Variants in ELAPOR2 observed in about 807,000 individuals in gnomAD.
ELAPOR2 encodes endosome/lysosome-associated apoptosis and autophagy regulator family member 2.
A neutral mutation model predicts 120.7 loss-of-function variants in ELAPOR2; 89 were observed. That is an observed-to-expected ratio of 0.74 (90% confidence interval 0.62 to 0.88). The LOEUF (loss-of-function observed/expected upper bound fraction) is 0.88. Ranked by LOEUF, ELAPOR2 falls within the 40% of genes least tolerant of loss-of-function variation. The probability of loss-of-function intolerance (pLI) is 0.00; values close to 1 mark genes in which losing one functional copy is unlikely to be tolerated. For synonymous variants in ELAPOR2, 444 were observed against 444.9 expected (o/e 1.00, Z 0.03); for missense variants, 1,134 against 1,251.6 (o/e 0.91, Z 1.42).
intron 1 of ELAPOR2, among the ~76,000 whole-genome samples, chr7:87,006,572 C>G (rs1562965263): frequency 6.6e-6 from 1 of 151,970 alleles, no homozygotes; most frequent in East Asian, 1.9e-4. Flanking sequence ...AGGATGTGGA[C>G]AAGGATGTGA....
rs556094365 is a variant in ELAPOR2, at chr7:86,892,159, G to A, written c.2865-270C>T. Among the ~76,000 whole-genome samples, 20 of 152,040 alleles carry A rather than the reference G, an allele frequency of 1.3e-4. No individual in the cohort carries two copies. The South Asian group carries it at 4.1e-3, about 32-fold the overall frequency. ...GAATTGTCCAATAATGAAAAAATTG[G>A]GGGGCAGGGACTTTTAGGCCTGAAT... On this transcript the variant is annotated intron_variant, in intron 20 of 21. Coordinates refer to ENST00000450689, the MANE Select transcript of ELAPOR2 (RefSeq NM_001142749.3).
intron 9 of ELAPOR2, 31 bp downstream of exon 9, chr7:86,926,704 AG>A (rs2116231752): frequency 6.4e-7 from 1 of 1,550,484 alleles, no homozygotes; most frequent in East Asian, 2.3e-5. Flanking sequence ...ATTTTGCTAA[AG>A]GCCCAGTTAT....
intron 2 of ELAPOR2, among the ~76,000 whole-genome samples, chr7:86,962,504 C>G (rs1037173973): frequency 2.0e-5 from 3 of 152,160 alleles, no homozygotes; most frequent in Admixed American, 2.0e-4. Flanking sequence ...TTATGTCCCC[C>G]TTATGGAGAC....
At chr7:86,890,083 T>C (rs1788072066) in intron 21 of ELAPOR2, among the ~76,000 whole-genome samples, 1 of 151,832 alleles carries the variant, frequency 6.6e-6, no homozygotes, top group South Asian at 2.1e-4. Flanking sequence ...TTAATCAGAA[T>C]GGTGCATGGA....
intron 19 of ELAPOR2, among the ~76,000 whole-genome samples, chr7:86,897,006 C>A (rs957635462): frequency 1.3e-5 from 2 of 151,736 alleles, no homozygotes; most frequent in Admixed American, 1.3e-4. Context: ...AAATATCTAT[C>A]AATAAATATG....
intron 1 of ELAPOR2, among the ~76,000 whole-genome samples, chr7:87,007,555 G>A (rs1293143455): frequency 6.6e-6 from 1 of 152,136 alleles, no homozygotes; most frequent in Non-Finnish European, 1.5e-5. Flanking sequence ...GGAAGATCTA[G>A]GGGAAAAAAG....
At chr7:87,021,033 G>A (rs922676684) in intron 1 of ELAPOR2, among the ~76,000 whole-genome samples, 1 of 152,018 alleles carries the variant, frequency 6.6e-6, no homozygotes, top group East Asian at 1.9e-4. Flanking sequence ...ACTCTATGGG[G>A]TAGGTATTAT....
chr7:87,003,061 C>G (rs188900714), intron 1 of ELAPOR2, among the ~76,000 whole-genome samples: 50 of 152,226 alleles, frequency 3.3e-4, no homozygotes, highest in Admixed American at 6.5e-4. Context: ...GATGGGTAGA[C>G]AGGTAGAGTC....
At chr7:86,883,661 T>C (rs1251257844) in intron 21 of ELAPOR2, among the ~76,000 whole-genome samples, 1 of 152,200 alleles carries the variant, frequency 6.6e-6, no homozygotes, top group African/African-American at 2.4e-5. Context: ...TACTGTGTGA[T>C]TACATTTATA....
intron 13 of ELAPOR2, among the ~76,000 whole-genome samples, chr7:86,913,937 A>G (rs753683356): frequency 7.9e-5 from 12 of 152,224 alleles, no homozygotes; most frequent in Non-Finnish European, 1.8e-4. Context: ...AGGCAAGGAA[A>G]GATTCCACAG....
chr7:86,895,959 T>C (rs1749157544), intron 19 of ELAPOR2, among the ~76,000 whole-genome samples: 1 of 152,110 alleles, frequency 6.6e-6, no homozygotes, highest in South Asian at 2.1e-4. Flanking sequence ...CAAGAAACTA[T>C]TTTTGTGAAT....
chr7:87,047,711 A>G (rs1184051440), intron 1 of ELAPOR2, among the ~76,000 whole-genome samples: 1 of 152,218 alleles, frequency 6.6e-6, no homozygotes, highest in Non-Finnish European at 1.5e-5. Context: ...GAGTACTTCT[A>G]CACTGTTGAT....
At position 86,877,276 on chromosome 7, in the gene ELAPOR2, G is replaced by A. The variant is rs796737855; in HGVS notation, c.*3195C>T. 5 of 152,288 alleles carry A rather than the reference G, an allele frequency of 3.3e-5. No homozygotes were observed. The highest frequency in any genetic ancestry group is 1.2e-4 in the African/African-American group (5 of 41,558). The allele number at this position is 152,288 out of a possible 1,614,324, so 9.4% of individuals were successfully genotyped here. ...AGAATAATCTGTAGCCAGTTAGTAT[G>A]AAGATGAATTCCATTTTAGCTTCCA... On this transcript the variant is annotated 3_prime_UTR_variant, in exon 22 of 22. Transcript: ENST00000450689.
intron 1 of ELAPOR2, among the ~76,000 whole-genome samples, chr7:87,019,690 T>A (rs113922043): frequency 6.6e-6 from 1 of 152,204 alleles, no homozygotes; most frequent in Non-Finnish European, 1.5e-5. Flanking sequence ...ATATTGCTGG[T>A]AGTATGTAAA....
At chr7:87,049,599 G>A (rs963158114) in intron 1 of ELAPOR2, among the ~76,000 whole-genome samples, 3 of 152,128 alleles carry the variant, frequency 2.0e-5, no homozygotes, top group African/African-American at 7.2e-5. Context: ...GGTAGCCAGG[G>A]AAAGCCTTAC....
intron 1 of ELAPOR2, among the ~76,000 whole-genome samples, chr7:87,008,825 C>T (rs1477149701): frequency 6.6e-6 from 1 of 152,104 alleles, no homozygotes; most frequent in East Asian, 1.9e-4. Context: ...AAACAGTGAA[C>T]CTGGGTAAAG....
At chr7:86,916,952 C>G (rs1030589158) in intron 12 of ELAPOR2, among the ~76,000 whole-genome samples, 11 of 129,990 alleles carry the variant, frequency 8.5e-5, no homozygotes, top group Non-Finnish European at 1.4e-4. Context: ...TTGTGGCCAG[C>G]TAATTTTTTT....
intron 2 of ELAPOR2, among the ~76,000 whole-genome samples, chr7:86,958,089 G>A (rs970806249): frequency 1.3e-5 from 2 of 152,134 alleles, no homozygotes; most frequent in Non-Finnish European, 1.5e-5. Context: ...ATAAGCACTT[G>A]TTCAATATAT....
At chr7:86,934,824 T>G (rs1790497092) in intron 8 of ELAPOR2, among the ~76,000 whole-genome samples, 1 of 152,008 alleles carries the variant, frequency 6.6e-6, no homozygotes, top group South Asian at 2.1e-4. Flanking sequence ...AAAACTGTAC[T>G]CATGGTCTTT....
Sources: gnomAD v4.1 joint callset for allele counts (sites outside exome capture counted in the v4.1 genomes callset) on GRCh38, gnomAD v4.1.1 for gene constraint, MANE v1.5 for transcripts, NCBI Gene and HGNC (gene_info 2026-07-23, HGNC 2026-07-21) for gene names.